NRG1: variants seen among roughly 807,000 people sequenced by gnomAD.
The protein encoded by NRG1 is pro-neuregulin-1, membrane-bound isoform.
Under a neutral mutation model 63.8 loss-of-function variants are expected in NRG1, and 18 were observed. The observed-to-expected ratio is 0.28, with a 90% CI of 0.19 to 0.42. The LOEUF (loss-of-function observed/expected upper bound fraction) is 0.42, where lower values mean the gene tolerates loss of function less well. NRG1 is among the 10% of genes least tolerant of loss of function. The pLI, the probability that NRG1 is intolerant of heterozygous loss-of-function variation, is 1.00. For missense variants in NRG1, 762 were observed against 814.7 expected, an observed-to-expected ratio of 0.94 and a Z score of 0.79; for synonymous variants, 302 against 301.3, an observed-to-expected ratio of 1.00 and a Z score of -0.02.
At chr8:32,564,551 C>G (rs1837075120) in intron 1 of NRG1, among the ~76,000 whole-genome samples, 1 of 152,222 alleles carries the variant, frequency 6.6e-6, no homozygotes, top group Non-Finnish European at 1.5e-5. Flanking sequence ...TTTACATCCT[C>G]TTTATTCCTA....
In NRG1 at chr8:32,647,798, A is replaced by G. The variant is rs1031217888; in HGVS notation, c.502+30913A>G. On this transcript the variant is annotated intron_variant, in intron 5 of 11. Coordinates refer to ENST00000356819, the Ensembl canonical transcript of NRG1. Reference sequence around the variant, plus strand: ...CCTCCACTCAGCTGAGTGCAGACCCATCTCTTGATGGGCTTCCGGCAGCAG... The same window carrying G: ...CCTCCACTCAGCTGAGTGCAGACCCGTCTCTTGATGGGCTTCCGGCAGCAG... 1.9e-6 allele frequency: 3 copies of G among 1,613,528 alleles called. No homozygotes were observed. The African/African-American group carries it at 4.0e-5, about 22-fold the overall frequency.
intron 1 of NRG1, among the ~76,000 whole-genome samples, chr8:32,558,644 C>T (rs1835681410): frequency 1.3e-5 from 2 of 152,086 alleles, no homozygotes; most frequent in African/African-American, 4.8e-5. Context: ...AGACCTGAGG[C>T]TCTTCTTGTC....
At chr8:32,495,915 TC>T (rs1827151875) in intron 1 of NRG1, among the ~76,000 whole-genome samples, 2 of 152,206 alleles carry the variant, frequency 1.3e-5, no homozygotes, top group Admixed American at 6.5e-5. Context: ...CAAATTACTT[TC>T]TCTAACTTGT....
intron 5 of NRG1, among the ~76,000 whole-genome samples, chr8:32,660,765 G>T (rs779552307): frequency 2.2e-4 from 33 of 152,164 alleles, no homozygotes; most frequent in Admixed American, 1.7e-3. Flanking sequence ...TTTTTGTGAG[G>T]ATCAAATGAG....
chr8:32,489,197 G>T (rs1339402712), intron 1 of NRG1, among the ~76,000 whole-genome samples: 2 of 152,032 alleles, frequency 1.3e-5, no homozygotes, highest in African/African-American at 4.8e-5. Flanking sequence ...CTAGTGCTTG[G>T]GAAGTGAGCA....
intron 1 of NRG1, among the ~76,000 whole-genome samples, chr8:32,126,594 G>A (rs1191208235): frequency 1.3e-5 from 2 of 151,834 alleles, no homozygotes; most frequent in Non-Finnish European, 1.5e-5. Flanking sequence ...CTGTATAGGT[G>A]AGACTTGCCC....
chr8:31,891,932 A>G (rs1462549027), intron 1 of NRG1, among the ~76,000 whole-genome samples: 2 of 152,180 alleles, frequency 1.3e-5, no homozygotes, highest in Non-Finnish European at 2.9e-5. Flanking sequence ...TCTAATTTTT[A>G]TACCACTTTG....
At chr8:31,808,401 C>T (rs901301605) in intron 1 of NRG1, among the ~76,000 whole-genome samples, 8 of 151,924 alleles carry the variant, frequency 5.3e-5, no homozygotes, top group East Asian at 3.9e-4. Flanking sequence ...TAAGATAAAA[C>T]GAGTTTAACA....
At chr8:31,912,732 A>G (rs1222397025) in intron 1 of NRG1, among the ~76,000 whole-genome samples, 1 of 152,090 alleles carries the variant, frequency 6.6e-6, no homozygotes, top group African/African-American at 2.4e-5. Context: ...TCCTTCCCTT[A>G]ATTCCCCCTC....
chr8:32,205,461 A>AT (rs931586573), intron 1 of NRG1, among the ~76,000 whole-genome samples: 7 of 152,068 alleles, frequency 4.6e-5, no homozygotes, highest in East Asian at 1.9e-4. Flanking sequence ...TATATAAATG[A>AT]TTTTTTCTCA....
chr8:32,229,574 G>A (rs1846689293), intron 1 of NRG1, among the ~76,000 whole-genome samples: 1 of 152,118 alleles, frequency 6.6e-6, no homozygotes, highest in African/African-American at 2.4e-5. Flanking sequence ...CCTCTGCCAG[G>A]TTCTAAAATC....
intron 5 of NRG1, among the ~76,000 whole-genome samples, chr8:32,643,667 A>G (rs2010536108): frequency 6.6e-6 from 1 of 152,336 alleles, no homozygotes; most frequent in Admixed American, 6.5e-5. Context: ...ACAGCAATAC[A>G]TAACTGAAAT....
chr8:31,706,955 AT>A (rs1171461521), intron 1 of NRG1, among the ~76,000 whole-genome samples: 6 of 152,054 alleles, frequency 3.9e-5, no homozygotes, highest in Non-Finnish European at 8.8e-5. Context: ...AAAGTAAAAA[AT>A]GTTTCAGAAT....
intron 1 of NRG1, among the ~76,000 whole-genome samples, chr8:32,197,909 C>T (rs1386986548): frequency 6.6e-6 from 1 of 152,176 alleles, no homozygotes; most frequent in Non-Finnish European, 1.5e-5. Context: ...TGTCACCTAA[C>T]CACATCCTCA....
intron 1 of NRG1, among the ~76,000 whole-genome samples, chr8:32,393,121 C>A (rs1324815120): frequency 2.0e-5 from 3 of 152,144 alleles, no homozygotes; most frequent in Non-Finnish European, 4.4e-5. Flanking sequence ...ACAACAACAA[C>A]AAAAACCTTT....
intron 1 of NRG1, among the ~76,000 whole-genome samples, chr8:32,449,048 G>A (rs553350812): frequency 3.9e-5 from 6 of 152,194 alleles, no homozygotes; most frequent in East Asian, 3.9e-4. Context: ...TAATCCCAAC[G>A]ATTTGAGAGG....
chr8:31,658,256 C>A lies in NRG1; in HGVS notation c.37+18825C>A, dbSNP rs189538098. Among the ~76,000 whole-genome samples the A allele has an allele frequency of 7.4e-3, 1,128 of 152,322 alleles. 15 individuals carry two copies. The highest frequency in any genetic ancestry group is 0.012 in the Non-Finnish European group (846 of 68,030). On this transcript the variant is annotated intron_variant, in intron 1 of 10. Transcript: ENST00000519301. ...ATGGTAGAGTCTAGTGGGGAAAAAT[C>A]TGGCTTCAGATTGGACTTAGTACTT... is the stretch of plus-strand genomic sequence containing the variant.
At chr8:32,174,688 A>C (rs1840490318) in intron 1 of NRG1, among the ~76,000 whole-genome samples, 1 of 152,214 alleles carries the variant, frequency 6.6e-6, no homozygotes, top group South Asian at 2.1e-4. Flanking sequence ...CTACCATCAG[A>C]GAATACTATA....
chr8:32,040,750 C>CATATATGTGTATATATATATATATAT lies in NRG1; in HGVS notation c.37+401325_37+401326insGTGTATATATATATATATATATATAT, dbSNP rs1819864113. On this transcript the variant is annotated intron_variant, in intron 1 of 10. Transcript: ENST00000519301. ...TATATATATATATGAAATTTAGGCGCATATATATATATATATATGCGCCTA... is the reference window on the plus strand; with the variant it reads ...TATATATATATATGAAATTTAGGCGCATATATGTGTATATATATATATATATATATATATATATATATATGCGCCTA... Among the ~76,000 whole-genome samples the CATATATGTGTATATATATATATATAT allele has an allele frequency of 1.8e-3, 87 of 48,688 alleles. 3 individuals carry two copies. The highest frequency in any genetic ancestry group is 5.2e-3 in the African/African-American group (85 of 16,398). 31.9% of individuals were successfully genotyped at this position (48,688 alleles called of 152,430 possible).
Sources: gnomAD v4.1 joint callset for allele counts (sites outside exome capture counted in the v4.1 genomes callset) on GRCh38, gnomAD v4.1.1 for gene constraint, MANE v1.5 for transcripts, NCBI Gene and HGNC (gene_info 2026-07-23, HGNC 2026-07-21) for gene names.